SSBP2: variants seen among roughly 807,000 people sequenced by gnomAD.
SSBP2 encodes single-stranded DNA-binding protein 2.
SSBP2 carries 17 observed loss-of-function variants against 61.8 expected under a neutral mutation model. The ratio of observed to expected loss-of-function variants is 0.28; its 90% CI spans 0.19 to 0.41. The LOEUF is 0.41. Among genes scored for constraint, SSBP2 ranks in the 10% least tolerant of loss-of-function variants. The probability of loss-of-function intolerance (pLI) is 1.00; values close to 1 mark genes in which losing one functional copy is unlikely to be tolerated. For missense variants in SSBP2, 310 were observed against 458.7 expected, an observed-to-expected ratio of 0.68 and a Z score of 2.96; for synonymous variants, 139 against 141.3, an observed-to-expected ratio of 0.98 and a Z score of 0.12.
intron 4 of SSBP2, among the ~76,000 whole-genome samples, chr5:81,520,017 C>T (rs1158493954): frequency 6.7e-6 from 1 of 150,142 alleles, no homozygotes; most frequent in African/African-American, 2.5e-5. Flanking sequence ...TGGAGTCTCA[C>T]TCTGTTGCCC....
chr5:81,593,491 C>T (rs545397564), intron 4 of SSBP2, among the ~76,000 whole-genome samples: 70 of 152,234 alleles, frequency 4.6e-4, no homozygotes, highest in South Asian at 2.9e-3. Context: ...ATACAGAGAA[C>T]GCCACAAAGA....
intron 4 of SSBP2, among the ~76,000 whole-genome samples, chr5:81,608,623 T>C (rs1745115987): frequency 6.6e-6 from 1 of 152,334 alleles, no homozygotes; most frequent in Non-Finnish European, 1.5e-5. Context: ...CCAGATTTCT[T>C]ATCTATTCAA....
chr5:81,468,648 C>CCCT (rs1765048568), intron 8 of SSBP2, among the ~76,000 whole-genome samples: 1 of 151,994 alleles, frequency 6.6e-6, no homozygotes, highest in Non-Finnish European at 1.5e-5. Context: ...AACTCATCTT[C>CCCT]CCTGGCCTTT....
intron 4 of SSBP2, among the ~76,000 whole-genome samples, chr5:81,558,383 C>T (rs1039342158): frequency 6.6e-6 from 1 of 152,202 alleles, no homozygotes; most frequent in South Asian, 2.1e-4. Context: ...GGTGAGGACA[C>T]ACTTCCTGGT....
In SSBP2 at chr5:81,415,911, CAAAA is replaced by C. The variant is rs1204411874; in HGVS notation, c.*4589_*4592del. 8.5e-5 allele frequency: 2 copies of C among 23,478 alleles called. No individual in the cohort carries two copies. Among genetic ancestry groups the C allele is most frequent in the Non-Finnish European group, 6.7e-5 (1 of 14,974 alleles). The allele number at this position is 23,478 out of a possible 1,614,324, so 1.5% of individuals were successfully genotyped here. A position where few individuals can be genotyped will look rare whatever the true frequency, so the allele number is the denominator to read the frequency against. On this transcript the variant is annotated 3_prime_UTR_variant, in exon 17 of 17. Coordinates refer to ENST00000320672, the MANE Select transcript of SSBP2 (RefSeq NM_012446.5). ...TGGGTGACAGAGCAAGATTCTGACTCAAAAAAAAAAAAAAAAAAGAGGAAAACCT... is the reference window on the plus strand; with the variant it reads ...TGGGTGACAGAGCAAGATTCTGACTCAAAAAAAAAAAAAAGAGGAAAACCT...
chr5:81,696,141 G>C (rs933413448), intron 1 of SSBP2, among the ~76,000 whole-genome samples: 1 of 152,044 alleles, frequency 6.6e-6, no homozygotes, highest in Non-Finnish European at 1.5e-5. Flanking sequence ...ATGCCACTAC[G>C]GTTAAACACT....
chr5:81,651,214 T>C (rs777058829), intron 1 of SSBP2, among the ~76,000 whole-genome samples: 2 of 152,076 alleles, frequency 1.3e-5, no homozygotes, highest in Admixed American at 6.6e-5. Context: ...TACACTATAT[T>C]TACCAATATT....
chr5:81,664,505 C>A (rs978817869), intron 1 of SSBP2, among the ~76,000 whole-genome samples: 2 of 152,164 alleles, frequency 1.3e-5, no homozygotes, highest in African/African-American at 4.8e-5. Flanking sequence ...GCATTAATGA[C>A]TCTCTCAGAC....
intron 4 of SSBP2, among the ~76,000 whole-genome samples, chr5:81,563,116 G>A (rs1168244382): frequency 6.6e-6 from 1 of 152,158 alleles, no homozygotes; most frequent in Non-Finnish European, 1.5e-5. Flanking sequence ...CACACTACCT[G>A]ATTTCAAGAT....
At chr5:81,741,137 C>G (rs949781927) in intron 1 of SSBP2, among the ~76,000 whole-genome samples, 3 of 152,186 alleles carry the variant, frequency 2.0e-5, no homozygotes, top group Non-Finnish European at 4.4e-5. Context: ...AATATAAAAC[C>G]TCTGAGACTC....
chr5:81,705,032 C>T (rs895735229), intron 1 of SSBP2, among the ~76,000 whole-genome samples: 1 of 151,868 alleles, frequency 6.6e-6, no homozygotes, highest in Admixed American at 6.6e-5. Flanking sequence ...AGCCACTTAA[C>T]CAAAGTATTC....
At chr5:81,741,425 T>A (rs904025042) in intron 1 of SSBP2, among the ~76,000 whole-genome samples, 1 of 152,174 alleles carries the variant, frequency 6.6e-6, no homozygotes, top group Admixed American at 6.5e-5. Context: ...GGCTATACCA[T>A]AATGTGAACG....
At position 81,412,979 on chromosome 5, in the gene SSBP2, T is replaced by G. The variant is rs1488839138; in HGVS notation, c.*7525A>C. The G allele has an allele frequency of 6.6e-6, 1 of 152,196 alleles. No individual in the cohort carries two copies. Among genetic ancestry groups the G allele is most frequent in the East Asian group, 1.9e-4 (1 of 5,204 alleles). The allele number at this position is 152,196 out of a possible 1,614,324, so 9.4% of individuals were successfully genotyped here. On this transcript the variant is annotated 3_prime_UTR_variant, in exon 17 of 17. Coordinates refer to ENST00000320672, the MANE Select transcript of SSBP2 (RefSeq NM_012446.5). ...CTTTGATATTAGAACCTCCTGAATT[T>G]TATATAAGGCATAATGTCTAATTCA...
chr5:81,513,485 A>C, intron 5 of SSBP2, 143 bp downstream of exon 5: 1 of 535,794 alleles, frequency 1.9e-6, no homozygotes, highest in Middle Eastern at 4.8e-4. Context: ...TATAATAGAT[A>C]ACCCATCTGA....
chr5:81,663,686 C>T (rs545774916), intron 1 of SSBP2, among the ~76,000 whole-genome samples: 7 of 152,082 alleles, frequency 4.6e-5, no homozygotes, highest in Admixed American at 2.6e-4. Flanking sequence ...ATCTGTCAAC[C>T]TGACCATAAT....
chr5:81,517,377 T>C (rs1769120561), intron 4 of SSBP2, among the ~76,000 whole-genome samples: 1 of 151,752 alleles, frequency 6.6e-6, no homozygotes, highest in East Asian at 1.9e-4. Context: ...CAAGTTTTTT[T>C]TTTTTTTTTT....
At chr5:81,585,994 A>G (rs1464585206) in intron 4 of SSBP2, among the ~76,000 whole-genome samples, 1 of 152,198 alleles carries the variant, frequency 6.6e-6, no homozygotes, top group African/African-American at 2.4e-5. Context: ...TTTAAGGCTG[A>G]CTAGTATTTC....
chr5:81,685,275 C>T (rs890137656), intron 1 of SSBP2, among the ~76,000 whole-genome samples: 1 of 152,052 alleles, frequency 6.6e-6, no homozygotes, highest in Admixed American at 6.6e-5. Flanking sequence ...TAACAATAGA[C>T]TAATACAGTA....
intron 1 of SSBP2, among the ~76,000 whole-genome samples, chr5:81,688,174 A>C (rs554113967): frequency 5.3e-5 from 8 of 152,144 alleles, no homozygotes; most frequent in African/African-American, 1.9e-4. Context: ...TAGGAGCCAC[A>C]GGGAGATTCC....
Sources: gnomAD v4.1 joint callset for allele counts (sites outside exome capture counted in the v4.1 genomes callset) on GRCh38, gnomAD v4.1.1 for gene constraint, MANE v1.5 for transcripts, NCBI Gene and HGNC (gene_info 2026-07-23, HGNC 2026-07-21) for gene names.